MCC: variants seen among roughly 807,000 people sequenced by gnomAD.
MCC encodes MCC regulator of Wnt signaling pathway.
Under a neutral mutation model 116.2 loss-of-function variants are expected in MCC, and 90 were observed. The observed-to-expected ratio is 0.77, with a 90% CI of 0.65 to 0.92. MCC has a LOEUF of 0.92. Ranked by LOEUF, MCC falls within the 40% of genes least tolerant of loss-of-function variation. The probability of loss-of-function intolerance (pLI) is 0.00; values close to 1 mark genes in which losing one functional copy is unlikely to be tolerated. For synonymous variants in MCC, 578 were observed against 510.5 expected, an observed-to-expected ratio of 1.13 and a Z score of -1.78; for missense variants, 1,516 against 1,312.2, an observed-to-expected ratio of 1.16 and a Z score of -2.40.
At chr5:113,370,847 A>T (rs190437975) in intron 2 of MCC, among the ~76,000 whole-genome samples, 1 of 152,234 alleles carries the variant, frequency 6.6e-6, no homozygotes, top group Non-Finnish European at 1.5e-5. Flanking sequence ...AAACCATCTT[A>T]GAGACCTAAA....
chr5:113,219,544 G>C (rs367549419), intron 3 of MCC, among the ~76,000 whole-genome samples: 1 of 152,118 alleles, frequency 6.6e-6, no homozygotes, highest in Non-Finnish European at 1.5e-5. Flanking sequence ...TTTGTATTAC[G>C]TTAGTAATAG....
intron 3 of MCC, among the ~76,000 whole-genome samples, chr5:113,189,403 T>C (rs537269081): frequency 4.5e-4 from 68 of 152,338 alleles, no homozygotes; most frequent in African/African-American, 1.6e-3. Context: ...AAGGATCAGA[T>C]GATCAAAGCA....
intron 17 of MCC, among the ~76,000 whole-genome samples, chr5:113,040,197 C>T (rs1362735737): frequency 1.7e-5 from 2 of 116,422 alleles, no homozygotes; most frequent in Non-Finnish European, 3.8e-5. Flanking sequence ...TGGCATGTAG[C>T]CTTGGTTTTG....
intron 14 of MCC, among the ~76,000 whole-genome samples, chr5:113,061,167 G>C (rs1226825932): frequency 6.6e-6 from 1 of 152,192 alleles, no homozygotes; most frequent in Non-Finnish European, 1.5e-5. Flanking sequence ...CAGCACCCTG[G>C]CTACCTGGAG....
intron 3 of MCC, among the ~76,000 whole-genome samples, chr5:113,214,327 CA>C (rs1362451547): frequency 3.3e-5 from 5 of 152,314 alleles, no homozygotes; most frequent in Non-Finnish European, 7.3e-5. Context: ...GTCCTCTGCC[CA>C]GAGATCCTTT....
In MCC at chr5:113,145,154, T is replaced by A. The variant is rs1213260419; in HGVS notation, c.742-1794A>T. Among the ~76,000 whole-genome samples the A allele has an allele frequency of 2.6e-5, 4 of 152,234 alleles. No homozygotes were observed. The East Asian group carries it at 7.7e-4, about 29-fold the overall frequency. ...AACAGAACACTGTTCCTCTCAGACCTGCAGCACATCTACAAACTCTTGCTG... is the reference window on the plus strand; with the variant it reads ...AACAGAACACTGTTCCTCTCAGACCAGCAGCACATCTACAAACTCTTGCTG... On this transcript the variant is annotated intron_variant, in intron 4 of 18. Coordinates refer to ENST00000408903, the MANE Select transcript of MCC (RefSeq NM_001085377.2).
rs1353729640 is a variant in MCC, at chr5:113,026,186, T to G, written c.*1116A>C. 3 of 152,268 alleles carry G rather than the reference T, an allele frequency of 2.0e-5. No individual in the cohort carries two copies. The highest frequency in any genetic ancestry group is 2.9e-5 in the Non-Finnish European group (2 of 68,064). 9.4% of individuals were successfully genotyped at this position (152,268 alleles called of 1,614,324 possible). ...GCACCATATGCTAACCATCACCATG[T>G]ATCTGGGGGCAAAAAAGAAGCCTTA... On this transcript the variant is annotated 3_prime_UTR_variant, in exon 19 of 19. Transcript: ENST00000408903.
intron 3 of MCC, among the ~76,000 whole-genome samples, chr5:113,295,957 T>C (rs966855720): frequency 2.6e-5 from 4 of 152,180 alleles, no homozygotes; most frequent in Non-Finnish European, 4.4e-5. Context: ...TCAACTTCCA[T>C]GGTCTTTTTA....
At position 113,027,227 on chromosome 5, in the gene MCC, A is replaced by G; in HGVS notation, c.*75T>C. The G allele has an allele frequency of 1.3e-6, 2 of 1,496,958 alleles. No homozygotes were observed. The highest frequency in any genetic ancestry group is 1.8e-6 in the Non-Finnish European group (2 of 1,098,878). The allele number at this position is 1,496,958 out of a possible 1,614,324, so 92.7% of individuals were successfully genotyped here. A position where few individuals can be genotyped will look rare whatever the true frequency, so the allele number is the denominator to read the frequency against. The stretch of plus-strand genomic sequence containing the variant: ...CCCTTTCCTCCTCCTCCCAACAAGT[A>G]CATGGGCCCTTCTGTCCCCAGTGGC... On this transcript the variant is annotated 3_prime_UTR_variant, in exon 19 of 19. Transcript: ENST00000408903.
intron 3 of MCC, among the ~76,000 whole-genome samples, chr5:113,239,759 T>A (rs1313658682): frequency 6.6e-6 from 1 of 152,206 alleles, no homozygotes; most frequent in African/African-American, 2.4e-5. Flanking sequence ...CTCACTTTTA[T>A]ATACACATTT....
rs552798903 is a variant in MCC at position 113,279,306 on chromosome 5, G to A, written c.627+61213C>T. ...CGAAGCATTGCAGGCTGATTGCTTT[G>A]ATGAAAACTTAATTCTACCACTGAG... On this transcript the variant is annotated intron_variant, in intron 3 of 18. Transcript: ENST00000408903. Among the ~76,000 whole-genome samples, 185 of 152,196 alleles carry A rather than the reference G, an allele frequency of 1.2e-3. 6 individuals are homozygous for A. The East Asian group carries it at 0.021, about 17-fold the overall frequency.
At position 113,337,876 on chromosome 5, in the gene MCC, T is replaced by A. The variant is rs988091895; in HGVS notation, c.627+2643A>T. On this transcript the variant is annotated intron_variant, in intron 3 of 18. Transcript: ENST00000408903. ...TTTCTTTGGCCACCTGGGAAGGGTA[T>A]TTCTCAAATCGGGCTCTACAGACCC... 5.3e-5 allele frequency among the ~76,000 whole-genome samples: 8 copies of A among 152,344 alleles called. No homozygotes were observed. In the Middle Eastern group the frequency reaches 0.01, roughly 194 times the overall value.
At chr5:113,295,424 T>A (rs1766679493) in intron 3 of MCC, among the ~76,000 whole-genome samples, 1 of 147,770 alleles carries the variant, frequency 6.8e-6, no homozygotes, top group Admixed American at 6.8e-5. Context: ...TTTCTGCATG[T>A]CCATAATGAA....
At chr5:113,299,998 G>C (rs572223844) in intron 3 of MCC, among the ~76,000 whole-genome samples, 1 of 152,272 alleles carries the variant, frequency 6.6e-6, no homozygotes, top group African/African-American at 2.4e-5. Flanking sequence ...GCTGCCCTGG[G>C]CATGACTGGA....
At chr5:113,228,240 G>A in intron 3 of MCC, among the ~76,000 whole-genome samples, 1 of 152,128 alleles carries the variant, frequency 6.6e-6, no homozygotes, top group East Asian at 1.9e-4. Flanking sequence ...TAATGGTGTT[G>A]AGTGGTGGTG....
chr5:113,058,853 C>G (rs1446565780), intron 14 of MCC, among the ~76,000 whole-genome samples: 1 of 152,218 alleles, frequency 6.6e-6, no homozygotes, highest in Non-Finnish European at 1.5e-5. Flanking sequence ...GAGAAGGTGG[C>G]CACTTTCCTG....
chr5:113,030,214 T>C (rs897492212), intron 17 of MCC, among the ~76,000 whole-genome samples: 2 of 152,156 alleles, frequency 1.3e-5, no homozygotes, highest in East Asian at 1.9e-4. Flanking sequence ...CTTCTAGGAA[T>C]TGATTTTACA....
intron 1 of MCC, among the ~76,000 whole-genome samples, chr5:113,451,927 ATC>A (rs1771410131): frequency 6.6e-6 from 1 of 152,154 alleles, no homozygotes; most frequent in Non-Finnish European, 1.5e-5. Context: ...TTTGCTCTAC[ATC>A]ATGTCCAACT....
At chr5:113,070,909 A>G (rs1753992575) in intron 12 of MCC, among the ~76,000 whole-genome samples, 185 bp downstream of exon 12, 1 of 152,232 alleles carries the variant, frequency 6.6e-6, no homozygotes, top group Admixed American at 6.5e-5. Flanking sequence ...TGCTAGGAGA[A>G]ATATACCTGT....
Sources: allele counts gnomAD v4.1 joint callset (sites outside exome capture counted in the v4.1 genomes callset), GRCh38; gene constraint gnomAD v4.1.1; transcripts MANE v1.5; gene names NCBI Gene and HGNC (gene_info 2026-07-23, HGNC 2026-07-21).